ARMC9: variants seen among roughly 807,000 people sequenced by gnomAD.
ARMC9 encodes armadillo repeat containing 9.
A neutral mutation model predicts 107.0 loss-of-function variants in ARMC9; 94 were observed. The observed-to-expected ratio is 0.88, with a 90% CI of 0.74 to 1.04. The LOEUF (loss-of-function observed/expected upper bound fraction) is 1.04. Ranked by LOEUF, ARMC9 falls within the 50% of genes least tolerant of loss-of-function variation. The pLI, the probability that ARMC9 is intolerant of heterozygous loss-of-function variation, is 0.00. For missense variants in ARMC9, 942 were observed against 1,030.1 expected (o/e 0.91, Z 1.17); for synonymous variants, 380 against 396.9 (o/e 0.96, Z 0.51).
chr2:231,367,678 C>T (rs1189497165), intron 23 of ARMC9, among the ~76,000 whole-genome samples: 1 of 151,738 alleles, frequency 6.6e-6, no homozygotes, highest in Non-Finnish European at 1.5e-5. Context: ...GGATATTTTA[C>T]TACAATTTAA....
At chr2:231,338,649 C>A (rs531981644) in intron 20 of ARMC9, among the ~76,000 whole-genome samples, 32 of 149,316 alleles carry the variant, frequency 2.1e-4, no homozygotes, top group Middle Eastern at 3.4e-3. Context: ...AAACGATCTT[C>A]CCACCTCAGC....
intron 5 of ARMC9, among the ~76,000 whole-genome samples, chr2:231,221,305 T>C (rs531984144): frequency 1.8e-4 from 28 of 152,174 alleles, no homozygotes; most frequent in Non-Finnish European, 3.8e-4. Context: ...TAAGGACATA[T>C]TGGATTAAGG....
chr2:231,370,168 C>T (rs1264608481), intron 24 of ARMC9, 43 bp downstream of exon 24: 53 of 1,468,776 alleles, frequency 3.6e-5, no homozygotes, highest in Non-Finnish European at 4.5e-5. Context: ...CCTGGCCACC[C>T]GCCAACCTGC....
intron 2 of ARMC9, 50 bp downstream of exon 2, chr2:231,206,339 C>G: frequency 6.6e-7 from 1 of 1,524,760 alleles, no homozygotes; most frequent in Non-Finnish European, 9.0e-7. Context: ...ATCTTGAAAA[C>G]TTGTGTTTTA....
intron 12 of ARMC9, among the ~76,000 whole-genome samples, chr2:231,263,489 ATAAC>A (rs1297472713): frequency 6.6e-6 from 1 of 152,228 alleles, no homozygotes; most frequent in Non-Finnish European, 1.5e-5. Flanking sequence ...TACTCGCACA[ATAAC>A]TAACCCACTC....
intron 20 of ARMC9, among the ~76,000 whole-genome samples, chr2:231,336,099 A>G (rs779916582): frequency 7.9e-5 from 12 of 151,974 alleles, no homozygotes. Context: ...AAAAATAAAT[A>G]AATACAAATA....
chr2:231,218,651 A>G (rs1044218588), intron 5 of ARMC9, among the ~76,000 whole-genome samples: 2 of 152,196 alleles, frequency 1.3e-5, no homozygotes, highest in Non-Finnish European at 2.9e-5. Context: ...TTCCGTATTC[A>G]TGGAGATTCA....
rs560780564 is a variant in ARMC9, at chr2:231,206,049, C to T, written c.-41-149C>T. 6 of 625,212 alleles carry T rather than the reference C, an allele frequency of 9.6e-6. 1 individual carries two copies. The highest frequency in any genetic ancestry group is 9.4e-5 in the South Asian group (5 of 53,132). 38.7% of individuals were successfully genotyped at this position (625,212 alleles called of 1,614,324 possible). Reference sequence around the variant, plus strand: ...TAATTCCATCTGCACCTTAATTCCCCCTTGCCGTGTAACCTCACGTATTCA... The same window carrying T: ...TAATTCCATCTGCACCTTAATTCCCTCTTGCCGTGTAACCTCACGTATTCA... On this transcript the variant is annotated intron_variant, in intron 1 of 24. Coordinates refer to ENST00000611582, the MANE Select transcript of ARMC9 (RefSeq NM_001352754.2).
intron 22 of ARMC9, among the ~76,000 whole-genome samples, chr2:231,357,246 G>A (rs552123668): frequency 3.3e-5 from 5 of 152,324 alleles, no homozygotes; most frequent in Non-Finnish European, 7.3e-5. Context: ...TGGTGGTCAC[G>A]GGCGGTTGCC....
chr2:231,309,741 A>G (rs2042233404), intron 19 of ARMC9, among the ~76,000 whole-genome samples: 1 of 152,040 alleles, frequency 6.6e-6, no homozygotes, highest in African/African-American at 2.4e-5. Context: ...GCAAAATCTA[A>G]GATGTTTTTT....
At chr2:231,314,864 C>T (rs2042573814) in intron 19 of ARMC9, among the ~76,000 whole-genome samples, 1 of 152,190 alleles carries the variant, frequency 6.6e-6, no homozygotes, top group African/African-American at 2.4e-5. Flanking sequence ...ATTCACCCTC[C>T]TGCATATGAA....
At chr2:231,270,745 G>T (rs757303307) in intron 12 of ARMC9, 13 of 646,744 alleles carry the variant, frequency 2.0e-5, no homozygotes, top group South Asian at 1.1e-4. Context: ...TCACTGTTCT[G>T]AGGGCTTCGT....
At chr2:231,296,281 A>G (rs908350470) in intron 19 of ARMC9, 28 bp downstream of exon 19, 9 of 1,586,870 alleles carry the variant, frequency 5.7e-6, no homozygotes, top group Non-Finnish European at 7.8e-6. Context: ...GACACCACAT[A>G]GAAAACCCAT....
chr2:231,205,275 A>T (rs1291708708), intron 1 of ARMC9, among the ~76,000 whole-genome samples: 1 of 151,160 alleles, frequency 6.6e-6, no homozygotes, highest in African/African-American at 2.4e-5. Flanking sequence ...GAGGCTGAGG[A>T]GGGAGGATCC....
intron 19 of ARMC9, among the ~76,000 whole-genome samples, chr2:231,319,084 GAC>G: frequency 6.6e-6 from 1 of 152,136 alleles, no homozygotes; most frequent in Non-Finnish European, 1.5e-5. Flanking sequence ...CCTGGGGAAG[GAC>G]CTTGGCTTCT....
chr2:231,211,334 A>G (rs2032830778), intron 3 of ARMC9, among the ~76,000 whole-genome samples: 3 of 151,674 alleles, frequency 2.0e-5, no homozygotes, highest in African/African-American at 7.3e-5. Flanking sequence ...CAGCCTGACC[A>G]ACATGGTGAA....
intron 20 of ARMC9, among the ~76,000 whole-genome samples, chr2:231,344,142 G>A (rs2044679134): frequency 6.6e-6 from 1 of 152,066 alleles, no homozygotes; most frequent in Non-Finnish European, 1.5e-5. Flanking sequence ...CGCTTTCCAT[G>A]TTTTGGATTC....
chr2:231,312,617 CA>C (rs2042420997), intron 19 of ARMC9, among the ~76,000 whole-genome samples: 1 of 136,680 alleles, frequency 7.3e-6, no homozygotes, highest in African/African-American at 2.8e-5. Context: ...TTTTTTTTTG[CA>C]AAATCTAAGA....
At chr2:231,211,145 C>T (rs940116680) in intron 3 of ARMC9, among the ~76,000 whole-genome samples, 1 of 151,020 alleles carries the variant, frequency 6.6e-6, no homozygotes, top group Non-Finnish European at 1.5e-5. Context: ...CATACACACA[C>T]ACACACACAC....
Sources: gnomAD v4.1 joint callset for allele counts (sites outside exome capture counted in the v4.1 genomes callset) on GRCh38, gnomAD v4.1.1 for gene constraint, MANE v1.5 for transcripts, NCBI Gene and HGNC (gene_info 2026-07-23, HGNC 2026-07-21) for gene names.